The following CYB5A variants were observed in gnomAD, a reference collection of about 807,000 sequenced individuals.
The protein encoded by CYB5A is cytochrome b5.
In CYB5A, 10 loss-of-function variants were observed where a neutral mutation model predicts 16.2. That is an observed-to-expected ratio of 0.62 (90% confidence interval 0.38 to 1.04). CYB5A has a LOEUF of 1.04. CYB5A is among the 50% of genes least tolerant of loss of function. The pLI is 0.01. For synonymous variants in CYB5A, 62 were observed against 57.0 expected (o/e 1.09, Z -0.40); for missense variants, 161 against 165.9 (o/e 0.97, Z 0.16).
intron 3 of CYB5A, 80 bp from the exon 4 acceptor site, chr18:74,255,855 T>C (rs1469843673): frequency 8.9e-7 from 1 of 1,126,496 alleles, no homozygotes; most frequent in Admixed American, 1.7e-5. Flanking sequence ...TGTTTGAAAA[T>C]AAGAACACAA....
chr18:74,273,317 T>C (rs973983087), intron 1 of CYB5A, among the ~76,000 whole-genome samples: 1 of 152,178 alleles, frequency 6.6e-6, no homozygotes, highest in African/African-American at 2.4e-5. Flanking sequence ...CACTATTCAA[T>C]GATCTAAGAG....
chr18:74,269,818 C>T (rs1194861031), intron 1 of CYB5A, among the ~76,000 whole-genome samples: 2 of 152,188 alleles, frequency 1.3e-5, no homozygotes, highest in Non-Finnish European at 2.9e-5. Flanking sequence ...CTGAGCTGGT[C>T]TCCCATCCTC....
At chr18:74,262,460 A>AAC (rs1391970720) in intron 2 of CYB5A, among the ~76,000 whole-genome samples, 3 of 151,046 alleles carry the variant, frequency 2.0e-5, no homozygotes, top group Non-Finnish European at 3.0e-5. Flanking sequence ...TGTCTCAAAA[A>AAC]AAAAAAAAAA....
intron 2 of CYB5A, 119 bp from the exon 3 acceptor site, chr18:74,261,063 A>G (rs1222779495): frequency 3.8e-6 from 3 of 794,886 alleles, no homozygotes; most frequent in Non-Finnish European, 6.5e-6. Flanking sequence ...TTCAGATTCA[A>G]CATTTAGCTA....
chr18:74,284,251 AAAG>A, intron 1 of CYB5A, among the ~76,000 whole-genome samples: 2 of 151,504 alleles, frequency 1.3e-5, no homozygotes, highest in South Asian at 2.1e-4. Flanking sequence ...AAAAAAAAAA[AAAG>A]AGAGATTAAA....
At chr18:74,256,523 C>A in intron 3 of CYB5A, 1 of 406,012 alleles carries the variant, frequency 2.5e-6, no homozygotes, top group Non-Finnish European at 4.2e-6. Context: ...AAAACGCATA[C>A]TTCTCCAACA....
chr18:74,272,995 T>C (rs961558025), intron 1 of CYB5A, among the ~76,000 whole-genome samples: 1 of 152,184 alleles, frequency 6.6e-6, no homozygotes, highest in Non-Finnish European at 1.5e-5. Flanking sequence ...AAAAATCTGT[T>C]GTCTGAACCT....
In CYB5A at chr18:74,252,281, C is replaced by T. The variant is rs1314543075; in HGVS notation, c.*1303G>A. 6.6e-6 allele frequency: 1 copy of T among 152,186 alleles called. No individual in the cohort carries two copies. The highest frequency in any genetic ancestry group is 2.4e-5 in the African/African-American group (1 of 41,442). 9.4% of individuals were successfully genotyped at this position (152,186 alleles called of 1,614,324 possible). A position where few individuals can be genotyped will look rare whatever the true frequency, so the allele number is the denominator to read the frequency against. On this transcript the variant is annotated 3_prime_UTR_variant, in exon 5 of 5. Transcript: ENST00000340533. ...CAATGACACATGTACTGGGTTCTAA[C>T]AAATTCAGCTTTCAAGTTTCCACAT... is the stretch of plus-strand genomic sequence containing the variant.
chr18:74,273,615 C>G (rs1171204122), intron 1 of CYB5A, among the ~76,000 whole-genome samples: 2 of 152,208 alleles, frequency 1.3e-5, no homozygotes, highest in Non-Finnish European at 2.9e-5. Context: ...CGAAGCTGGC[C>G]TAGCCACGGC....
At chr18:74,270,017 G>A (rs4891538) in intron 1 of CYB5A, among the ~76,000 whole-genome samples, 19,708 of 152,046 alleles carry the variant, frequency 0.13, 1,460 homozygotes, top group Admixed American at 0.2. Context: ...ACAGTAACAC[G>A]TTCCCACTGC....
At position 74,263,432 on chromosome 18, in the gene CYB5A, C is replaced by T. The variant is rs770734233; in HGVS notation, c.175G>A (p.Ala59Thr). 6.2e-6 allele frequency: 10 copies of T among 1,614,116 alleles called. No homozygotes were observed. The highest frequency in any genetic ancestry group is 5.5e-5 in the South Asian group (5 of 91,086). Residue 59 changes from alanine to threonine, a missense_variant, in exon 2 of 5, where the codon GCT becomes ACT. Coordinates refer to ENST00000340533, the MANE Select transcript of CYB5A (RefSeq NM_148923.4). ...EVLREQAGGD[A>T]TENFEDVGHS... Reference sequence around the variant, plus strand: ...CCGACATCCTCAAAGTTCTCAGTAGCGTCACCTCCAGCTTGTTCCCTTAAA... The same window carrying T: ...CCGACATCCTCAAAGTTCTCAGTAGTGTCACCTCCAGCTTGTTCCCTTAAA...
At chr18:74,291,192 CGG>C (rs1983520165) in intron 1 of CYB5A, among the ~76,000 whole-genome samples, 1 of 152,234 alleles carries the variant, frequency 6.6e-6, no homozygotes, top group African/African-American at 2.4e-5. Context: ...GGTCTCCAGC[CGG>C]CCACTGCGGG....
chr18:74,254,359 T>C (rs1981883515), intron 4 of CYB5A, among the ~76,000 whole-genome samples: 1 of 139,616 alleles, frequency 7.2e-6, no homozygotes, highest in African/African-American at 2.7e-5. Flanking sequence ...AGAAACAGAA[T>C]GGCCAGACTA....
At chr18:74,289,363 G>A (rs180931869) in intron 1 of CYB5A, among the ~76,000 whole-genome samples, 3 of 152,082 alleles carry the variant, frequency 2.0e-5, no homozygotes, top group East Asian at 3.9e-4. Flanking sequence ...CCCTATTATC[G>A]TCTCTGAAAA....
chr18:74,251,366 C>T lies in CYB5A; in HGVS notation c.*2218G>A, dbSNP rs1788569. The T allele has an allele frequency of 0.3, 45,685 of 152,020 alleles. 7,083 individuals are homozygous for T. The highest frequency in any genetic ancestry group is 0.47 in the East Asian group (2,442 of 5,146). The allele number at this position is 152,020 out of a possible 1,614,324, so 9.4% of individuals were successfully genotyped here. A position where few individuals can be genotyped will look rare whatever the true frequency, so the allele number is the denominator to read the frequency against. Reference sequence around the variant, plus strand: ...TGGTTCTGTTTGGAAAGGCGGGACACCTTGAAGCAAAGGCAGGAAGACTCA... The same window carrying T: ...TGGTTCTGTTTGGAAAGGCGGGACATCTTGAAGCAAAGGCAGGAAGACTCA... On this transcript the variant is annotated 3_prime_UTR_variant, in exon 5 of 5. Coordinates refer to ENST00000340533, the MANE Select transcript of CYB5A (RefSeq NM_148923.4).
chr18:74,257,882 C>A (rs1444084075), intron 3 of CYB5A: 1 of 152,220 alleles, frequency 6.6e-6, no homozygotes, highest in African/African-American at 2.4e-5. Context: ...CATGCCGCTG[C>A]ATTGCAGCCT....
intron 1 of CYB5A, among the ~76,000 whole-genome samples, chr18:74,272,700 C>T (rs1222500915): frequency 1.3e-5 from 2 of 152,110 alleles, no homozygotes; most frequent in East Asian, 3.8e-4. Context: ...GGGCAGATCA[C>T]CTGAGGTCAG....
intron 3 of CYB5A, chr18:74,257,409 G>C (rs923375889): frequency 1.3e-5 from 2 of 156,518 alleles, no homozygotes; most frequent in African/African-American, 4.8e-5. Flanking sequence ...ACAGTTAAAG[G>C]AAGTTTGAAT....
chr18:74,266,771 G>C (rs1411512961), intron 1 of CYB5A, among the ~76,000 whole-genome samples: 1 of 148,696 alleles, frequency 6.7e-6, no homozygotes, highest in Non-Finnish European at 1.5e-5. Context: ...AAGAGAGAGA[G>C]AGAAACATCT....
Sources: allele counts gnomAD v4.1 joint callset (sites outside exome capture counted in the v4.1 genomes callset), GRCh38; gene constraint gnomAD v4.1.1; transcripts MANE v1.5; gene names NCBI Gene and HGNC (gene_info 2026-07-23, HGNC 2026-07-21).